The following TNS1 variants were observed in gnomAD, a reference collection of about 807,000 sequenced individuals.
The protein encoded by TNS1 is tensin-1.
TNS1 carries 62 observed loss-of-function variants against 168.6 expected under a neutral mutation model. The ratio of observed to expected loss-of-function variants is 0.37; its 90% CI spans 0.30 to 0.45. The LOEUF is 0.45. Ranked by LOEUF, TNS1 falls within the 20% of genes least tolerant of loss-of-function variation. The pLI is 1.00. For synonymous variants in TNS1, 934 were observed against 933.2 expected, an observed-to-expected ratio of 1.00 and a Z score of -0.02; for missense variants, 2,240 against 2,339.4, an observed-to-expected ratio of 0.96 and a Z score of 0.88.
At position 217,892,675 on chromosome 2, in the gene TNS1, G is replaced by A. The variant is rs1033361730; in HGVS notation, c.782+273C>T. Among the ~76,000 whole-genome samples the A allele has an allele frequency of 9.4e-4, 143 of 152,248 alleles. 1 individual carries two copies. The highest frequency in any genetic ancestry group is 2.8e-3 in the African/African-American group (117 of 41,548). On this transcript the variant is annotated intron_variant, in intron 11 of 32. Transcript: ENST00000682258. ...CAGTTTGGCAAGGAAAAGTGGCTCC[G>A]AGGAGCTGGCCGCATGGGTTGCTCA...
intron 23 of TNS1, among the ~76,000 whole-genome samples, chr2:217,820,558 A>G (rs1942677683): frequency 1.3e-5 from 2 of 152,158 alleles, no homozygotes; most frequent in Admixed American, 6.5e-5. Context: ...TGGGCCTGGC[A>G]GGGGAATTTG....
upstream of TNS1, among the ~76,000 whole-genome samples, chr2:218,014,671 C>T (rs1432003454): frequency 2.0e-5 from 3 of 152,196 alleles, no homozygotes; most frequent in African/African-American, 4.8e-5. Context: ...TTCATTTCTT[C>T]CTAGCACTTA....
chr2:217,839,149 A>C (rs1403750016), intron 19 of TNS1, among the ~76,000 whole-genome samples: 1 of 151,778 alleles, frequency 6.6e-6, no homozygotes, highest in Non-Finnish European at 1.5e-5. Flanking sequence ...CCACTGGGTC[A>C]CCCTCAGAAC....
At chr2:218,008,693 G>A (rs1179354073) in intron 1 of TNS1, among the ~76,000 whole-genome samples, 1 of 152,224 alleles carries the variant, frequency 6.6e-6, no homozygotes, top group African/African-American at 2.4e-5. Context: ...GAGGGAAACT[G>A]AAGCTCAGAG....
At chr2:217,979,079 A>C in intron 2 of TNS1, 18 of 397,492 alleles carry the variant, frequency 4.5e-5, no homozygotes, top group East Asian at 1.5e-4. Flanking sequence ...GGGGGGAGCA[A>C]AGGGGGGGGT....
intron 3 of TNS1, among the ~76,000 whole-genome samples, chr2:217,964,498 A>G: frequency 6.6e-6 from 1 of 152,184 alleles, no homozygotes; most frequent in East Asian, 1.9e-4. Context: ...CTGCTCAATC[A>G]TCTGAGGCGT....
At chr2:218,016,125 C>G (rs1305282601) in intron 1 of TNS1, among the ~76,000 whole-genome samples, 1 of 152,108 alleles carries the variant, frequency 6.6e-6, no homozygotes, top group Non-Finnish European at 1.5e-5. Context: ...AATTACCATC[C>G]ACCCCCACCC....
chr2:217,844,814 T>C (rs1946427858), intron 19 of TNS1, among the ~76,000 whole-genome samples: 1 of 152,214 alleles, frequency 6.6e-6, no homozygotes, highest in South Asian at 2.1e-4. Flanking sequence ...TCTCCACCTC[T>C]AGAGACATCT....
chr2:217,835,090 C>T lies in TNS1; in HGVS notation c.3280+1G>A, dbSNP rs1274502063. The T allele has an allele frequency of 1.3e-6, 2 of 1,564,596 alleles. No individual in the cohort carries two copies. The highest frequency in any genetic ancestry group is 4.8e-5 in the East Asian group (2 of 41,432). On this transcript the variant is annotated splice_donor_variant, in intron 21 of 32. Transcript: ENST00000682258. LOFTEE classifies it high-confidence loss of function. ...AGACGAGCTTCACAGGGAATTCTTA[C>T]CCCCACTGGGTGGTGGGCTGCTCGG... is the stretch of plus-strand genomic sequence containing the variant.
At chr2:217,975,168 A>G (rs572778325) in intron 3 of TNS1, among the ~76,000 whole-genome samples, 1 of 152,098 alleles carries the variant, frequency 6.6e-6, no homozygotes, top group Admixed American at 6.5e-5. Flanking sequence ...GCCAACCCCA[A>G]CTTGATAGCC....
At chr2:217,939,138 A>T (rs1956783710) in intron 3 of TNS1, among the ~76,000 whole-genome samples, 1 of 152,164 alleles carries the variant, frequency 6.6e-6, no homozygotes, top group African/African-American at 2.4e-5. Context: ...AACTCGTTTG[A>T]TCCTCACAAC....
chr2:217,832,469 C>T (rs917753210), intron 21 of TNS1, among the ~76,000 whole-genome samples: 16 of 152,208 alleles, frequency 1.1e-4, no homozygotes, highest in African/African-American at 3.6e-4. Flanking sequence ...AAAAAATGAA[C>T]TCTGTGTCTC....
Position 217,831,480 on chromosome 2 carries a change from C to T in TNS1, c.3348G>A (p.Ala1116=), listed in dbSNP as rs376403287. The T allele has an allele frequency of 2.8e-5, 45 of 1,589,878 alleles. No individual in the cohort carries two copies. The highest frequency in any genetic ancestry group is 2.4e-4 in the African/African-American group (18 of 73,586). ...SALGLKPHNP[A]DILLHPTGEP... ...CTCCTGTGGGGTGCAACAGGATGTC[C>T]GCTGGGTTGTGAGGTTTCAGGCCCA... The change falls in exon 22 of 33, where the codon GCG becomes GCA. Residue 1116 remains alanine (A), a synonymous_variant. Coordinates refer to ENST00000682258, the MANE Select transcript of TNS1 (RefSeq NM_001387777.1).
intron 1 of TNS1, among the ~76,000 whole-genome samples, chr2:217,996,477 CA>C (rs1296006981): frequency 6.6e-6 from 1 of 152,104 alleles, no homozygotes; most frequent in Non-Finnish European, 1.5e-5. Flanking sequence ...CCTCCAACCC[CA>C]CTTCACCTTT....
At position 217,979,012 on chromosome 2, in the gene TNS1, C is replaced by G. The variant is rs1397873248; in HGVS notation, c.149-210G>C. On this transcript the variant is annotated intron_variant, in intron 2 of 32. Coordinates refer to ENST00000682258, the MANE Select transcript of TNS1 (RefSeq NM_001387777.1). ...GCGGGAGTGCCCGGGACTGAGGACC[C>G]GCGGCCGGGGAGGCAGGGGGCTCCC... is the stretch of plus-strand genomic sequence containing the variant. The G allele has an allele frequency of 5.0e-5, 23 of 463,830 alleles. 1 individual carries two copies. The highest frequency in any genetic ancestry group is 4.8e-4 in the Admixed American group (13 of 27,228). 28.7% of individuals were successfully genotyped at this position (463,830 alleles called of 1,614,324 possible).
At chr2:218,013,706 G>A (rs1191047036), upstream of TNS1, among the ~76,000 whole-genome samples, 1 of 151,978 alleles carries the variant, frequency 6.6e-6, no homozygotes, top group African/African-American at 2.4e-5. Context: ...CCTCCCTCCC[G>A]CACCTCTCCT....
intron 18 of TNS1, among the ~76,000 whole-genome samples, chr2:217,872,501 A>G (rs985770480): frequency 6.6e-6 from 1 of 152,256 alleles, no homozygotes; most frequent in Admixed American, 6.5e-5. Context: ...TGAAACCACA[A>G]TGCAATACCC....
At chr2:217,805,586 CA>C (rs1938695280) in intron 32 of TNS1, among the ~76,000 whole-genome samples, 1 of 278 alleles carries the variant, frequency 3.6e-3, no homozygotes. Context: ...ACACACACAA[CA>C]CACACCACCA....
chr2:217,966,009 T>G (rs1957618528), intron 3 of TNS1, among the ~76,000 whole-genome samples: 1 of 151,900 alleles, frequency 6.6e-6, no homozygotes, highest in African/African-American at 2.4e-5. Context: ...GACTTTCCTC[T>G]CCTCTCTCTC....
Sources: gnomAD v4.1 joint callset for allele counts (sites outside exome capture counted in the v4.1 genomes callset) on GRCh38, gnomAD v4.1.1 for gene constraint, MANE v1.5 for transcripts, NCBI Gene and HGNC (gene_info 2026-07-23, HGNC 2026-07-21) for gene names.